ATP8A1: variants seen among roughly 807,000 people sequenced by gnomAD.
The protein encoded by ATP8A1 is ATPase phospholipid transporting 8A1.
ATP8A1 carries 90 observed loss-of-function variants against 177.7 expected under a neutral mutation model. The ratio of observed to expected loss-of-function variants is 0.51; its 90% CI spans 0.43 to 0.60. ATP8A1 has a LOEUF of 0.60. Among genes scored for constraint, ATP8A1 ranks in the 20% least tolerant of loss-of-function variants. ATP8A1 has a pLI of 0.00. For synonymous variants in ATP8A1, 493 were observed against 485.9 expected (o/e 1.01, Z -0.19); for missense variants, 1,072 against 1,392.8 (o/e 0.77, Z 3.67).
intron 15 of ATP8A1, among the ~76,000 whole-genome samples, chr4:42,567,890 A>G (rs1348494042): frequency 3.3e-5 from 5 of 152,206 alleles, no homozygotes; most frequent in African/African-American, 9.6e-5. Flanking sequence ...GGAGAAGGCA[A>G]TTTCTTCTTA....
intron 33 of ATP8A1, among the ~76,000 whole-genome samples, chr4:42,424,384 T>A (rs1714346275): frequency 2.0e-5 from 3 of 152,068 alleles, no homozygotes; most frequent in Admixed American, 2.0e-4. Flanking sequence ...TTAAAAGGAA[T>A]AGTATTATAC....
At chr4:42,421,955 G>T (rs1713995649) in intron 35 of ATP8A1, among the ~76,000 whole-genome samples, 2 of 151,826 alleles carry the variant, frequency 1.3e-5, no homozygotes, top group South Asian at 4.2e-4. Flanking sequence ...GGAGGGGGTG[G>T]TGTAAGGAAG....
intron 20 of ATP8A1, among the ~76,000 whole-genome samples, chr4:42,539,880 T>C (rs183647381): frequency 3.3e-5 from 5 of 152,250 alleles, no homozygotes; most frequent in Non-Finnish European, 7.4e-5. Context: ...ATCCTGGGCA[T>C]TGGTTTAGGC....
rs1004979622 is a variant in ATP8A1 at position 42,412,136 on chromosome 4, AAC to A, written c.*778_*779del. 2 of 152,250 alleles carry A rather than the reference AAC, an allele frequency of 1.3e-5. No individual in the cohort carries two copies. Among genetic ancestry groups the A allele is most frequent in the South Asian group, 2.1e-4 (1 of 4,836 alleles). 9.4% of individuals were successfully genotyped at this position (152,250 alleles called of 1,614,324 possible). ...TAGTTTGAAAAATCAGTGTCATAAC[AAC>A]AGAGTCACATTAACACGTGTGTCCT... On this transcript the variant is annotated 3_prime_UTR_variant, in exon 37 of 37. Coordinates refer to ENST00000381668, the MANE Select transcript of ATP8A1 (RefSeq NM_006095.2).
intron 18 of ATP8A1, among the ~76,000 whole-genome samples, chr4:42,550,732 C>T (rs953583903): frequency 1.3e-4 from 20 of 152,282 alleles, no homozygotes; most frequent in Middle Eastern, 3.4e-3. Flanking sequence ...GTATGTAGTG[C>T]CATCTCACTG....
At chr4:42,518,840 T>C (rs982065742) in intron 22 of ATP8A1, among the ~76,000 whole-genome samples, 8 of 152,154 alleles carry the variant, frequency 5.3e-5, no homozygotes, top group Non-Finnish European at 1.2e-4. Context: ...CAGGGTAACA[T>C]TCTGGAAGAA....
At chr4:42,497,593 T>C (rs1379061194) in intron 24 of ATP8A1, among the ~76,000 whole-genome samples, 2 of 152,166 alleles carry the variant, frequency 1.3e-5, no homozygotes, top group African/African-American at 4.8e-5. Context: ...TATAAATTTG[T>C]GAACAACCTC....
chr4:42,615,632 T>C (rs368616980), intron 5 of ATP8A1, among the ~76,000 whole-genome samples: 12 of 152,350 alleles, frequency 7.9e-5, no homozygotes, highest in African/African-American at 2.9e-4. Flanking sequence ...CATGTATAAC[T>C]CAGTGTTTCC....
chr4:42,428,461 C>G (rs1714881362), intron 33 of ATP8A1, among the ~76,000 whole-genome samples: 1 of 152,156 alleles, frequency 6.6e-6, no homozygotes, highest in Admixed American at 6.5e-5. Flanking sequence ...ACCCTGTGTC[C>G]AATATTTCAC....
intron 35 of ATP8A1, among the ~76,000 whole-genome samples, chr4:42,421,601 C>A (rs1404331901): frequency 6.6e-6 from 1 of 151,952 alleles, no homozygotes; most frequent in African/African-American, 2.4e-5. Context: ...CTATTATTTT[C>A]AAAAAAGTGG....
intron 6 of ATP8A1, among the ~76,000 whole-genome samples, chr4:42,597,332 T>C (rs1577671802): frequency 6.6e-6 from 1 of 152,358 alleles, no homozygotes; most frequent in East Asian, 1.9e-4. Flanking sequence ...CCTCAAAATC[T>C]TGTTATCCCA....
intron 20 of ATP8A1, among the ~76,000 whole-genome samples, chr4:42,540,712 T>C (rs1444143565): frequency 6.7e-6 from 1 of 149,686 alleles, no homozygotes; most frequent in Non-Finnish European, 1.5e-5. Context: ...TTCTCACTTA[T>C]ATGTGAGAGC....
At chr4:42,470,791 C>T (rs1720312465) in intron 25 of ATP8A1, among the ~76,000 whole-genome samples, 1 of 152,036 alleles carries the variant, frequency 6.6e-6, no homozygotes, top group African/African-American at 2.4e-5. Flanking sequence ...CTTTAACTTC[C>T]TCAAACTTTA....
chr4:42,524,706 C>T, intron 21 of ATP8A1, 57 bp downstream of exon 21: 1 of 1,134,820 alleles, frequency 8.8e-7, no homozygotes, highest in Non-Finnish European at 1.3e-6. Context: ...TGCAAGGTAT[C>T]AGAAGTATAT....
At chr4:42,474,234 A>G (rs528773835) in intron 25 of ATP8A1, among the ~76,000 whole-genome samples, 2 of 152,274 alleles carry the variant, frequency 1.3e-5, no homozygotes, top group Middle Eastern at 3.4e-3. Context: ...TACTTGGGAG[A>G]AGCTGAGCGG....
intron 9 of ATP8A1, among the ~76,000 whole-genome samples, chr4:42,584,380 A>G (rs1034205805): frequency 6.6e-6 from 1 of 152,222 alleles, no homozygotes; most frequent in Non-Finnish European, 1.5e-5. Context: ...AAAGAAGTCT[A>G]TACTTGCTAT....
chr4:42,602,333 C>T (rs1171353388), intron 5 of ATP8A1, among the ~76,000 whole-genome samples: 3 of 152,148 alleles, frequency 2.0e-5, no homozygotes, highest in East Asian at 1.9e-4. Flanking sequence ...ATCCCCTGCT[C>T]GATGTTGCTC....
intron 5 of ATP8A1, among the ~76,000 whole-genome samples, chr4:42,605,719 C>T (rs9291219): frequency 0.55 from 83,452 of 151,758 alleles, 23,385 homozygotes; most frequent in South Asian, 0.67. Flanking sequence ...TTTCTCCAAC[C>T]GACCTTTTGC....
At chr4:42,603,135 A>G (rs1343800411) in intron 5 of ATP8A1, among the ~76,000 whole-genome samples, 1 of 152,224 alleles carries the variant, frequency 6.6e-6, no homozygotes, top group African/African-American at 2.4e-5. Context: ...ACTTCAGATT[A>G]GACAGGATGA....
Sources: gnomAD v4.1 joint callset for allele counts (sites outside exome capture counted in the v4.1 genomes callset) on GRCh38, gnomAD v4.1.1 for gene constraint, MANE v1.5 for transcripts, NCBI Gene and HGNC (gene_info 2026-07-23, HGNC 2026-07-21) for gene names.